Variants in TRPC4AP observed in about 807,000 individuals in gnomAD.
TRPC4AP encodes the protein short transient receptor potential channel 4-associated protein.
Under a neutral mutation model 99.0 loss-of-function variants are expected in TRPC4AP, and 45 were observed. The ratio of observed to expected loss-of-function variants is 0.45; its 90% CI spans 0.36 to 0.58. TRPC4AP has a LOEUF of 0.58. Ranked by LOEUF, TRPC4AP falls within the 20% of genes least tolerant of loss-of-function variation. TRPC4AP has a pLI of 0.00. For synonymous variants in TRPC4AP, 408 were observed against 385.8 expected, an observed-to-expected ratio of 1.06 and a Z score of -0.67; for missense variants, 879 against 985.3, an observed-to-expected ratio of 0.89 and a Z score of 1.44.
intron 2 of TRPC4AP, among the ~76,000 whole-genome samples, chr20:35,076,120 AG>A (rs1197011697): frequency 6.6e-6 from 1 of 152,148 alleles, no homozygotes; most frequent in Non-Finnish European, 1.5e-5. Context: ...AGGTCATTTA[AG>A]GTCTTTTCTA....
intron 11 of TRPC4AP, among the ~76,000 whole-genome samples, chr20:35,010,856 C>T (rs2082619458): frequency 6.6e-6 from 1 of 152,196 alleles, no homozygotes. Context: ...CCTGTCACTC[C>T]CGGTGAAAAC....
rs750376073 is a variant in TRPC4AP at position 35,003,491 on chromosome 20, C to T, written c.2175G>A (p.Leu725=). The T allele has an allele frequency of 3.7e-6, 6 of 1,614,100 alleles. No homozygotes were observed. In the South Asian group the frequency reaches 5.5e-5, roughly 15 times the overall value. The stretch of plus-strand genomic sequence containing the variant: ...GCAGCAGGTTGTGGAAGTTGTTGAG[C>T]AGGAAGCCGGGGTACTTCTTGCTGT... ...MEHSKKYPGF[L]LNNFHNLLRF... is the part of the protein sequence containing the mutation. Residue 725 remains leucine, a synonymous_variant, in exon 18 of 19, where the codon CTG becomes CTA. Coordinates refer to ENST00000252015, the MANE Select transcript of TRPC4AP (RefSeq NM_015638.3).
At chr20:35,021,647 C>T (rs968955472) in intron 8 of TRPC4AP, among the ~76,000 whole-genome samples, 4 of 152,158 alleles carry the variant, frequency 2.6e-5, no homozygotes, top group Non-Finnish European at 1.5e-5. Context: ...CTGCTTATGC[C>T]CTTCTCCTGC....
rs2082415247 is a variant in TRPC4AP at position 35,002,549 on chromosome 20, C to A, written c.*597G>T. 1 of 227,644 alleles carries A rather than the reference C, an allele frequency of 4.4e-6. No individual in the cohort carries two copies. The highest frequency in any genetic ancestry group is 5.5e-5 in the Admixed American group (1 of 18,304). 14.1% of individuals were successfully genotyped at this position (227,644 alleles called of 1,614,324 possible). A position where few individuals can be genotyped will look rare whatever the true frequency, so the allele number is the denominator to read the frequency against. On this transcript the variant is annotated 3_prime_UTR_variant, in exon 19 of 19. Transcript: ENST00000252015. ...AGAGGCAGGGCAGGCACAGCTGCCC[C>A]GTGCCCCAAGGGATGGAGGGAAAGG...
At chr20:35,016,208 C>G in intron 9 of TRPC4AP, 69 bp from the exon 10 acceptor site, 2 of 1,570,014 alleles carry the variant, frequency 1.3e-6, no homozygotes, top group Admixed American at 1.7e-5. Flanking sequence ...ACCTCGTGCT[C>G]AGTACACACG....
At chr20:35,084,712 GTT>G (rs1294360046) in intron 1 of TRPC4AP, among the ~76,000 whole-genome samples, 1 of 137,322 alleles carries the variant, frequency 7.3e-6, no homozygotes, top group Non-Finnish European at 1.6e-5. Context: ...ATGTATATAT[GTT>G]TATATGCATA....
chr20:35,087,005 C>G (rs531331112), intron 1 of TRPC4AP, among the ~76,000 whole-genome samples: 1 of 151,178 alleles, frequency 6.6e-6, no homozygotes, highest in African/African-American at 2.4e-5. Context: ...GCACTCCAGC[C>G]TGGGCAACAG....
intron 7 of TRPC4AP, among the ~76,000 whole-genome samples, chr20:35,037,301 C>T (rs1348807081): frequency 7.1e-6 from 1 of 140,678 alleles, no homozygotes; most frequent in Admixed American, 7.6e-5. Context: ...GAGCGGAGAT[C>T]GCGCCACTGC....
chr20:35,065,241 T>C (rs1235121824), intron 3 of TRPC4AP, among the ~76,000 whole-genome samples: 2 of 152,204 alleles, frequency 1.3e-5, no homozygotes, highest in Non-Finnish European at 2.9e-5. Flanking sequence ...AGATTTCCCA[T>C]AACCTCTCAG....
At chr20:35,083,287 A>G (rs964297875) in intron 1 of TRPC4AP, among the ~76,000 whole-genome samples, 1 of 152,110 alleles carries the variant, frequency 6.6e-6, no homozygotes, top group Non-Finnish European at 1.5e-5. Flanking sequence ...GTTATGCAAG[A>G]CGGCTACATA....
At chr20:35,077,167 G>C (rs1344599452) in intron 2 of TRPC4AP, among the ~76,000 whole-genome samples, 1 of 152,138 alleles carries the variant, frequency 6.6e-6, no homozygotes, top group Non-Finnish European at 1.5e-5. Context: ...ATCTGTCATG[G>C]CTTCCCTTGG....
chr20:35,015,497 T>C (rs1455303124), intron 10 of TRPC4AP, among the ~76,000 whole-genome samples: 1 of 143,990 alleles, frequency 6.9e-6, no homozygotes, highest in African/African-American at 2.5e-5. Flanking sequence ...CAGTCTCACT[T>C]TGTTACGCAG....
At chr20:35,020,503 A>T (rs1311022359) in intron 9 of TRPC4AP, among the ~76,000 whole-genome samples, 2 of 151,814 alleles carry the variant, frequency 1.3e-5, no homozygotes, top group Non-Finnish European at 2.9e-5. Flanking sequence ...TTTCATCCTC[A>T]CTTGTAAAAT....
chr20:35,034,008 G>A (rs1241159943), intron 8 of TRPC4AP, among the ~76,000 whole-genome samples: 1 of 54,128 alleles, frequency 1.8e-5, no homozygotes, highest in African/African-American at 5.9e-5. Context: ...AGCCGGGCGC[G>A]GTGGCGGGCG....
chr20:35,007,721 T>C, intron 13 of TRPC4AP, 81 bp from the exon 14 acceptor site: 1 of 1,419,336 alleles, frequency 7.0e-7, no homozygotes, highest in South Asian at 1.2e-5. Flanking sequence ...TTGGGAGATG[T>C]TTGTTGCCTT....
chr20:35,054,425 T>C (rs1246345923), intron 5 of TRPC4AP, among the ~76,000 whole-genome samples: 1 of 152,196 alleles, frequency 6.6e-6, no homozygotes, highest in African/African-American at 2.4e-5. Context: ...CTGCATTCTA[T>C]TGGTAAGAAA....
intron 6 of TRPC4AP, among the ~76,000 whole-genome samples, chr20:35,049,616 C>T (rs753733667): frequency 9.2e-5 from 14 of 152,180 alleles, no homozygotes; most frequent in Non-Finnish European, 1.8e-4. Context: ...CATCACCCTA[C>T]ATTCACAGAG....
rs1230042700 is a variant in TRPC4AP, at chr20:35,009,535, A to C, written c.1511+652T>G. ...GTGGCGCACACCTGTAGTCCCAGCT[A>C]CTCGGGCGGCTGAGGCAGGAGAATC... On this transcript the variant is annotated intron_variant, in intron 12 of 18. Transcript: ENST00000252015. Among the ~76,000 whole-genome samples the C allele has an allele frequency of 8.5e-5, 13 of 152,144 alleles. 1 individual carries two copies. Among genetic ancestry groups the C allele is most frequent in the Admixed American group, 5.2e-4 (8 of 15,268 alleles).
chr20:35,045,380 CTCTTT>C (rs1219082962), intron 6 of TRPC4AP, among the ~76,000 whole-genome samples: 5 of 152,288 alleles, frequency 3.3e-5, no homozygotes, highest in African/African-American at 9.6e-5. Context: ...AATCATCTCT[CTCTTT>C]TAAGAGACAG....
Sources: gnomAD v4.1 joint callset for allele counts (sites outside exome capture counted in the v4.1 genomes callset) on GRCh38, gnomAD v4.1.1 for gene constraint, MANE v1.5 for transcripts, NCBI Gene and HGNC (gene_info 2026-07-23, HGNC 2026-07-21) for gene names.